ASMTL: variants seen among roughly 807,000 people sequenced by gnomAD.
ASMTL encodes the protein probable bifunctional dTTP/UTP pyrophosphatase/methyltransferase protein.
In ASMTL, 57 loss-of-function variants were observed where a neutral mutation model predicts 60.3. The ratio of observed to expected loss-of-function variants is 0.95; its 90% CI spans 0.76 to 1.18. The LOEUF is 1.18. Among genes scored for constraint, ASMTL ranks in the 50% most tolerant of loss-of-function variants. The probability of loss-of-function intolerance (pLI) is 0.00; values close to 1 mark genes in which losing one functional copy is unlikely to be tolerated. For synonymous variants in ASMTL, 419 were observed against 373.0 expected (o/e 1.12, Z -1.42); for missense variants, 981 against 852.6 (o/e 1.15, Z -1.88).
At chrX:1,425,177 AC>A (rs1438330525) in intron 8 of ASMTL, among the ~76,000 whole-genome samples, 1 of 152,096 alleles carries the variant, frequency 6.6e-6, no homozygotes, top group Non-Finnish European at 1.5e-5. Context: ...GTATCTGTCT[AC>A]CCATCCATCT....
intron 11 of ASMTL, 111 bp from the exon 12 acceptor site, chrX:1,412,965 G>A (rs1371663188): frequency 1.7e-6 from 2 of 1,197,036 alleles, no homozygotes; most frequent in Non-Finnish European, 2.5e-6. Flanking sequence ...GAGAAGAGAG[G>A]GGTGTGGGCG....
At position 1,412,801 on chromosome X, in the gene ASMTL, T is replaced by G; in HGVS notation, c.1576A>C (p.Ile526Leu). Residue 526 changes from isoleucine (I) to leucine (L), a missense_variant, in exon 12 of 13, where the codon ATC becomes CTC. Coordinates refer to ENST00000381317, the MANE Select transcript of ASMTL (RefSeq NM_004192.4). ...PSAELYVLCRILHDWPDDKVH... is the reference protein window; with the variant it reads ...PSAELYVLCRLLHDWPDDKVH... ...TTGTCGTCTGGCCAGTCATGCAGGATCCGGCACAGGACGTACAGCTCAGCG... is the reference window on the plus strand; with the variant it reads ...TTGTCGTCTGGCCAGTCATGCAGGAGCCGGCACAGGACGTACAGCTCAGCG... 6.2e-7 allele frequency: 1 copy of G among 1,613,916 alleles called. No individual in the cohort carries two copies. The highest frequency in any genetic ancestry group is 1.3e-5 in the African/African-American group (1 of 75,028).
chrX:1,411,887 A>T (rs1330118537), intron 12 of ASMTL, among the ~76,000 whole-genome samples: 1 of 131,110 alleles, frequency 7.6e-6, no homozygotes, highest in East Asian at 2.2e-4. Flanking sequence ...GTCTCGGCTC[A>T]CTGCAACCTC....
intron 6 of ASMTL, among the ~76,000 whole-genome samples, chrX:1,430,031 A>T (rs181122772): frequency 0.14 from 20,979 of 149,868 alleles, 1,506 homozygotes; most frequent in Middle Eastern, 0.22. Context: ...TTTTTTTTTT[A>T]AAAGACGGAG....
intron 11 of ASMTL, among the ~76,000 whole-genome samples, chrX:1,416,815 GCA>G (rs1452627038): frequency 1.4e-5 from 2 of 147,482 alleles, no homozygotes; most frequent in Non-Finnish European, 3.0e-5. Flanking sequence ...CACACACCAT[GCA>G]CACAGATACA....
Position 1,403,433 on chromosome X carries a change from G to A in ASMTL, c.1702C>T (p.Arg568Cys), listed in dbSNP as rs774425380. Residue 568 changes from arginine (R) to cysteine (C), a missense_variant, in exon 13 of 13, where the codon CGC becomes TGC. Coordinates refer to ENST00000381317, the MANE Select transcript of ASMTL (RefSeq NM_004192.4). The part of the protein sequence containing the change: ...LLDEEKRVAQ[R>C]ALMQSLNMLV... ...ATGTTCAGTGACTGCATCAGGGCGC[G>A]CTGCGCCACCCTCTTCTCCTCATCC... 1.6e-5 allele frequency: 26 copies of A among 1,613,132 alleles called. No homozygotes were observed. The highest frequency in any genetic ancestry group is 6.7e-5 in the East Asian group (3 of 44,892).
chrX:1,434,923 G>A, intron 5 of ASMTL, 99 bp downstream of exon 5: 1 of 1,321,068 alleles, frequency 7.6e-7, no homozygotes, highest in Non-Finnish European at 1.1e-6. Flanking sequence ...ACAGGTGGGG[G>A]TGAGCAACCG....
intron 11 of ASMTL, among the ~76,000 whole-genome samples, chrX:1,417,400 A>C (rs1282663962): frequency 1.4e-4 from 4 of 28,508 alleles, no homozygotes; most frequent in East Asian, 4.7e-3. Context: ...AGAGACTTGC[A>C]GACACGTGGA....
intron 8 of ASMTL, among the ~76,000 whole-genome samples, chrX:1,422,511 T>A (rs1371100315): frequency 1.3e-5 from 2 of 152,088 alleles, no homozygotes; most frequent in Admixed American, 6.6e-5. Context: ...GGGAACTTCA[T>A]TCTCCACCCA....
chrX:1,403,327 T>C lies in ASMTL; in HGVS notation c.1808A>G (p.Gln603Arg). The C allele has an allele frequency of 1.2e-6, 2 of 1,613,336 alleles. No homozygotes were observed. The highest frequency in any genetic ancestry group is 2.7e-5 in the African/African-American group (2 of 75,058). The change falls in exon 13 of 13, where the codon CAG (glutamine) becomes CGG (arginine). Residue 603 changes from glutamine to arginine, a missense_variant. Physicochemically the swap from Gln to Arg is conservative, Grantham distance 43 (BLOSUM62 1). Transcript: ENST00000381317. ...LLELHGFHQV[Q>R]VVHLGGVLDA... Reference sequence around the variant, plus strand: ...CAGGACACCCCCCAAGTGCACCACCTGCACCTGGTGGAAGCCGTGCAGCTC... The same window carrying C: ...CAGGACACCCCCCAAGTGCACCACCCGCACCTGGTGGAAGCCGTGCAGCTC...
chrX:1,425,589 C>G lies in ASMTL; in HGVS notation c.996G>C (p.Ala332=), dbSNP rs140071135. ...TGTCCAGAAGCCTCTCCATTCCACACGCAGAGGCGTCCACTTTGCTGGCAA... is the reference window on the plus strand; with the variant it reads ...TGTCCAGAAGCCTCTCCATTCCACAGGCAGAGGCGTCCACTTTGCTGGCAA... ...ADIASKVDAS[A]CGMERLLDIC... The change falls in exon 8 of 13, where the codon GCG becomes GCC. Residue 332 remains alanine, a synonymous_variant. Coordinates refer to ENST00000381317, the MANE Select transcript of ASMTL (RefSeq NM_004192.4). 524 of 1,613,786 alleles carry G rather than the reference C, an allele frequency of 3.2e-4. No homozygotes were observed. Among genetic ancestry groups the G allele is most frequent in the Non-Finnish European group, 4.2e-4 (497 of 1,179,824 alleles).
chrX:1,420,262 T>C (rs1361085523), intron 9 of ASMTL, among the ~76,000 whole-genome samples: 1 of 151,718 alleles, frequency 6.6e-6, no homozygotes, highest in Non-Finnish European at 1.5e-5. Flanking sequence ...TCTGTCTCAC[T>C]CTATCTCTGT....
chrX:1,403,621 G>A (rs1437207391), intron 12 of ASMTL, 132 bp from the exon 13 acceptor site: 16 of 750,008 alleles, frequency 2.1e-5, no homozygotes, highest in South Asian at 3.1e-5. Context: ...TGGCCAGGGG[G>A]CCCACACAGG....
intron 1 of ASMTL, among the ~76,000 whole-genome samples, chrX:1,451,684 G>A (rs1458491107): frequency 7.3e-6 from 1 of 137,408 alleles, no homozygotes; most frequent in Non-Finnish European, 1.6e-5. Context: ...TAGGGGTCCC[G>A]GGTTACTCTC....
At chrX:1,411,844 G>C (rs1487588618) in intron 12 of ASMTL, among the ~76,000 whole-genome samples, 1 of 115,704 alleles carries the variant, frequency 8.6e-6, no homozygotes, top group Non-Finnish European at 1.6e-5. Flanking sequence ...ATGGAGTCTC[G>C]CTCTGTTACC....
chrX:1,419,131 G>A lies in ASMTL; in HGVS notation c.1246-17C>T, dbSNP rs756398367. 32 of 1,609,972 alleles carry A rather than the reference G, an allele frequency of 2.0e-5. No individual in the cohort carries two copies. In the East Asian group the frequency reaches 6.9e-4, roughly 35 times the overall value. On this transcript the variant is annotated splice_polypyrimidine_tract_variant and intron_variant, in intron 9 of 12. Coordinates refer to ENST00000381317, the MANE Select transcript of ASMTL (RefSeq NM_004192.4). ...GTACGCATCCTGGAACACAGCAGGT[G>A]CTTAGGGGCACCAGAGAACACGGGG... is the stretch of plus-strand genomic sequence containing the variant.
At chrX:1,451,878 C>A (rs1483371903) in intron 1 of ASMTL, among the ~76,000 whole-genome samples, 1 of 147,072 alleles carries the variant, frequency 6.8e-6, no homozygotes, top group Non-Finnish European at 1.5e-5. Flanking sequence ...TCTGCTGTCC[C>A]CATCCCTAGC....
At chrX:1,421,589 T>TC in intron 9 of ASMTL, 69 bp downstream of exon 9, 1 of 1,538,796 alleles carries the variant, frequency 6.5e-7, no homozygotes, top group Non-Finnish European at 9.0e-7. Context: ...TGCCTACTGA[T>TC]CTGTGTGTCA....
At chrX:1,415,773 C>A (rs768588027) in intron 11 of ASMTL, among the ~76,000 whole-genome samples, 1 of 152,328 alleles carries the variant, frequency 6.6e-6, no homozygotes, top group Admixed American at 6.5e-5. Flanking sequence ...GCCTTGTCCA[C>A]CTGTTTGGAG....
Sources: allele counts gnomAD v4.1 joint callset (sites outside exome capture counted in the v4.1 genomes callset), GRCh38; gene constraint gnomAD v4.1.1; transcripts MANE v1.5; gene names NCBI Gene and HGNC (gene_info 2026-07-23, HGNC 2026-07-21).